The following GABRB3 variants were observed in gnomAD, a reference collection of about 807,000 sequenced individuals.
GABRB3 encodes the protein gamma-aminobutyric acid type A receptor subunit beta3.
GABRB3 carries 14 observed loss-of-function variants against 52.1 expected under a neutral mutation model. That is an observed-to-expected ratio of 0.27 (90% CI 0.18 to 0.42). The LOEUF (loss-of-function observed/expected upper bound fraction) is 0.42. GABRB3 is among the 10% of genes least tolerant of loss of function. The pLI is 1.00. For synonymous variants in GABRB3, 260 were observed against 232.3 expected, an observed-to-expected ratio of 1.12 and a Z score of -1.08; for missense variants, 307 against 609.1, an observed-to-expected ratio of 0.50 and a Z score of 5.22.
At chr15:26,674,482 G>C (rs533243059) in intron 3 of GABRB3, among the ~76,000 whole-genome samples, 1 of 147,114 alleles carries the variant, frequency 6.8e-6, no homozygotes, top group African/African-American at 2.5e-5. Context: ...GAAAGAAAGA[G>C]AGAGAGAGAA....
chr15:26,646,875 G>T (rs549740181), intron 3 of GABRB3, among the ~76,000 whole-genome samples: 3 of 152,134 alleles, frequency 2.0e-5, no homozygotes, highest in East Asian at 3.9e-4. Flanking sequence ...ATGGAGTCTT[G>T]CTCTGTCGCC....
At position 26,568,208 on chromosome 15, in the gene GABRB3, G is replaced by T. The variant is rs544523917; in HGVS notation, c.683-475C>A. Among the ~76,000 whole-genome samples, 6 of 152,206 alleles carry T rather than the reference G, an allele frequency of 3.9e-5. No individual in the cohort carries two copies. The South Asian group carries it at 1.2e-3, about 32-fold the overall frequency. ...CCCTAGAGTGACTGGGCTAGCTCAG[G>T]GGCACCCTAAGAATGAGAGAGGCAG... On this transcript the variant is annotated intron_variant, in intron 6 of 8. Coordinates refer to ENST00000311550, the MANE Select transcript of GABRB3 (RefSeq NM_000814.6).
intron 3 of GABRB3, among the ~76,000 whole-genome samples, chr15:26,636,856 A>G (rs993281861): frequency 6.6e-6 from 1 of 152,168 alleles, no homozygotes; most frequent in African/African-American, 2.4e-5. Context: ...CCCCATGTTA[A>G]ACACAGACAC....
intron 3 of GABRB3, chr15:26,624,408 A>G (rs1681568626): frequency 2.0e-6 from 2 of 985,358 alleles, no homozygotes; most frequent in Non-Finnish European, 2.4e-6. Flanking sequence ...CGCGATGTCT[A>G]GCGCCCTTCT....
chr15:26,666,619 G>A (rs1887720945), intron 3 of GABRB3: 1 of 152,222 alleles, frequency 6.6e-6, no homozygotes, highest in Non-Finnish European at 1.5e-5. Flanking sequence ...GTCAAATGCA[G>A]GGCAGGGCAG....
intron 3 of GABRB3, among the ~76,000 whole-genome samples, chr15:26,763,080 A>G (rs1407596096): frequency 1.3e-5 from 2 of 152,210 alleles, no homozygotes; most frequent in African/African-American, 4.8e-5. Flanking sequence ...TGGAAAGGCA[A>G]GGCATTTTGC....
chr15:26,756,291 T>A (rs906365845), intron 3 of GABRB3, among the ~76,000 whole-genome samples: 1 of 151,642 alleles, frequency 6.6e-6, no homozygotes, highest in Non-Finnish European at 1.5e-5. Context: ...CAGAACAGGC[T>A]GGGCATGGTG....
At chr15:26,557,882 G>C (rs1030155376) in intron 8 of GABRB3, 1 of 152,072 alleles carries the variant, frequency 6.6e-6, no homozygotes. Flanking sequence ...TTTCTCTATG[G>C]ATGCTAGAGT....
In GABRB3 at chr15:26,713,037, C is replaced by G. The variant is rs551170566; in HGVS notation, c.240+59365G>C. ...TGCCACCATGGGGGAGTTCCAGGGT[C>G]AGGTAGGGGTAGAAGAAAGGACAGC... On this transcript the variant is annotated intron_variant, in intron 3 of 8. Coordinates refer to ENST00000311550, the MANE Select transcript of GABRB3 (RefSeq NM_000814.6). Among the ~76,000 whole-genome samples the G allele has an allele frequency of 4.6e-3, 701 of 152,302 alleles. 2 individuals carry two copies. Among genetic ancestry groups the G allele is most frequent in the Non-Finnish European group, 6.5e-3 (442 of 68,024 alleles).
At chr15:26,711,385 C>T (rs1889289580) in intron 3 of GABRB3, among the ~76,000 whole-genome samples, 1 of 152,174 alleles carries the variant, frequency 6.6e-6, no homozygotes, top group Admixed American at 6.5e-5. Flanking sequence ...GCCCTCCGAC[C>T]CCCTTGGATG....
chr15:26,755,075 C>T (rs1204143797), intron 3 of GABRB3, among the ~76,000 whole-genome samples: 1 of 149,432 alleles, frequency 6.7e-6, no homozygotes, highest in Non-Finnish European at 1.5e-5. Context: ...GCAATCTCAG[C>T]TCACTGCAAC....
At chr15:26,574,216 G>A (rs2140714523) in intron 6 of GABRB3, among the ~76,000 whole-genome samples, 1 of 152,120 alleles carries the variant, frequency 6.6e-6, no homozygotes, top group East Asian at 1.9e-4. Flanking sequence ...ACCACAATGA[G>A]ATACCACACC....
intron 6 of GABRB3, 67 bp downstream of exon 6, chr15:26,580,252 T>C (rs1890738923): frequency 1.3e-6 from 2 of 1,591,374 alleles, no homozygotes; most frequent in African/African-American, 2.7e-5. Flanking sequence ...GCAGCACATT[T>C]TGTCACTCCA....
At position 26,580,181 on chromosome 15, in the gene GABRB3, T is replaced by C. The variant is rs1013709797; in HGVS notation, c.682+138A>G. The C allele has an allele frequency of 8.3e-6, 8 of 969,652 alleles. No homozygotes were observed. In the African/African-American group the frequency reaches 1.3e-4, roughly 16 times the overall value. 60.1% of individuals were successfully genotyped at this position (969,652 alleles called of 1,614,324 possible). A position where few individuals can be genotyped will look rare whatever the true frequency, so the allele number is the denominator to read the frequency against. On this transcript the variant is annotated intron_variant, in intron 6 of 8. Transcript: ENST00000311550. The stretch of plus-strand genomic sequence containing the variant: ...CTCCTTTAGATACAGAGAGGAGGGG[T>C]GTGTGTGATGTGTGAATGATAACAG...
rs189724993 is a variant in GABRB3 at position 26,561,220 on chromosome 15, T to A, written c.836-44A>T. 2.4e-3 allele frequency: 3,935 copies of A among 1,610,214 alleles called. 15 individuals carry two copies. The highest frequency in any genetic ancestry group is 2.5e-3 in the Non-Finnish European group (2,999 of 1,179,982). On this transcript the variant is annotated intron_variant, in intron 7 of 8. Coordinates refer to ENST00000311550, the MANE Select transcript of GABRB3 (RefSeq NM_000814.6). ...GGTGAGAGGCTGAAACTTTGCCACA[T>A]TGGTCTTCACTTTTCACTTTCCTTT...
intron 3 of GABRB3, chr15:26,625,555 T>C (rs1327586313): frequency 1.7e-5 from 16 of 927,070 alleles, no homozygotes; most frequent in South Asian, 1.0e-4. Context: ...AGAAGATACT[T>C]TGAGACTTTA....
intron 3 of GABRB3, among the ~76,000 whole-genome samples, chr15:26,668,065 G>A (rs1255220954): frequency 1.3e-5 from 2 of 152,158 alleles, no homozygotes; most frequent in African/African-American, 2.4e-5. Flanking sequence ...AGTTGCTGGA[G>A]TCACCCAGAC....
intron 3 of GABRB3, among the ~76,000 whole-genome samples, chr15:26,725,657 A>C (rs559761399): frequency 1.3e-5 from 2 of 152,322 alleles, no homozygotes; most frequent in South Asian, 4.1e-4. Flanking sequence ...TGAGACCATA[A>C]GAGTTTCAAA....
Position 26,585,291 on chromosome 15 carries a change from T to TC in GABRB3, c.462-1878dup, listed in dbSNP as rs1320227991. 5.9e-5 allele frequency among the ~76,000 whole-genome samples: 9 copies of TC among 152,320 alleles called. No individual in the cohort carries two copies. The East Asian group carries it at 1.4e-3, about 23-fold the overall frequency. On this transcript the variant is annotated intron_variant, in intron 4 of 8. Transcript: ENST00000311550. ...TAGAGTCACCTTCAATCCCCAGCTGTCCTTCAGGTTTCATCTTTCTTGAAG... is the reference window on the plus strand; with the variant it reads ...TAGAGTCACCTTCAATCCCCAGCTGTCCCTTCAGGTTTCATCTTTCTTGAAG...
Sources: gnomAD v4.1 joint callset for allele counts (sites outside exome capture counted in the v4.1 genomes callset) on GRCh38, gnomAD v4.1.1 for gene constraint, MANE v1.5 for transcripts, NCBI Gene and HGNC (gene_info 2026-07-23, HGNC 2026-07-21) for gene names.